Variants in EIF3K observed in about 807,000 individuals in gnomAD.
EIF3K encodes eukaryotic translation initiation factor 3 subunit K.
A neutral mutation model predicts 34.2 loss-of-function variants in EIF3K; 27 were observed. That is an observed-to-expected ratio of 0.79 (90% CI 0.58 to 1.09). The LOEUF (loss-of-function observed/expected upper bound fraction) is 1.09. Ranked by LOEUF, EIF3K falls within the 50% of genes least tolerant of loss-of-function variation. The pLI is 0.00. For missense variants in EIF3K, 232 were observed against 275.4 expected (o/e 0.84, Z 1.11); for synonymous variants, 105 against 105.7 (o/e 0.99, Z 0.04).
chr19:38,625,963 AG>A, intron 3 of EIF3K, 64 bp from the exon 4 acceptor site: 3 of 1,435,864 alleles, frequency 2.1e-6, no homozygotes, highest in South Asian at 2.3e-5. Context: ...GTAGGTGGGG[AG>A]GGGTGATCTG....
At chr19:38,632,353 C>A (rs541822493) in intron 4 of EIF3K, 77 bp from the exon 5 acceptor site, 3 of 1,404,730 alleles carry the variant, frequency 2.1e-6, no homozygotes, top group East Asian at 2.4e-5. Context: ...TAGTGAGACC[C>A]CATCTCTATA....
intron 6 of EIF3K, among the ~76,000 whole-genome samples, chr19:38,634,062 C>A (rs943031617): frequency 6.7e-6 from 1 of 148,960 alleles, no homozygotes; most frequent in Admixed American, 6.7e-5. Context: ...CAGGCGTGAG[C>A]CGCTGCATCC....
chr19:38,635,384 C>T (rs768419239), intron 7 of EIF3K: 7 of 526,326 alleles, frequency 1.3e-5, no homozygotes, highest in Middle Eastern at 4.9e-4. Flanking sequence ...CGGGGCCTCA[C>T]AGGGGGTCTC....
At chr19:38,622,054 C>T (rs1247757591) in intron 2 of EIF3K, among the ~76,000 whole-genome samples, 2 of 151,490 alleles carry the variant, frequency 1.3e-5, no homozygotes, top group African/African-American at 4.8e-5. Flanking sequence ...TACAGGCATG[C>T]ACCACCATGC....
At chr19:38,624,942 CTT>C (rs1975917693) in intron 3 of EIF3K, among the ~76,000 whole-genome samples, 1 of 152,112 alleles carries the variant, frequency 6.6e-6, no homozygotes, top group Admixed American at 6.6e-5. Flanking sequence ...ACTGTTCACT[CTT>C]CTGTATTTTT....
At chr19:38,631,743 A>C (rs956732649) in intron 4 of EIF3K, among the ~76,000 whole-genome samples, 9 of 152,110 alleles carry the variant, frequency 5.9e-5, no homozygotes, top group African/African-American at 2.2e-4. Context: ...ATTTCAGACT[A>C]TCACATGGGG....
chr19:38,629,095 A>C (rs767437058), intron 4 of EIF3K, among the ~76,000 whole-genome samples: 1 of 151,980 alleles, frequency 6.6e-6, no homozygotes, highest in Non-Finnish European at 1.5e-5. Context: ...TTTTTTATTC[A>C]AGTAAGAAAT....
chr19:38,632,799 C>A, intron 6 of EIF3K, 121 bp downstream of exon 6: 2 of 827,356 alleles, frequency 2.4e-6, no homozygotes, highest in Non-Finnish European at 3.7e-6. Flanking sequence ...GAAGGCCCAG[C>A]CCAAGGAGGA....
At chr19:38,631,447 G>T (rs1422044723) in intron 4 of EIF3K, among the ~76,000 whole-genome samples, 1 of 152,218 alleles carries the variant, frequency 6.6e-6, no homozygotes, top group African/African-American at 2.4e-5. Flanking sequence ...CTTTGCTTTT[G>T]ATGTGCATAC....
chr19:38,627,875 A>G (rs1975981107), intron 4 of EIF3K, among the ~76,000 whole-genome samples: 1 of 149,994 alleles, frequency 6.7e-6, no homozygotes, highest in South Asian at 2.1e-4. Flanking sequence ...TTCTCTGCAC[A>G]TTAGACCTCT....
At chr19:38,632,815 G>A in intron 6 of EIF3K, 137 bp downstream of exon 6, 1 of 730,642 alleles carries the variant, frequency 1.4e-6, no homozygotes, top group East Asian at 2.8e-5. Flanking sequence ...GAGGAAATAA[G>A]AACTTGGTAT....
intron 4 of EIF3K, 61 bp downstream of exon 4, chr19:38,626,163 A>C: frequency 6.7e-7 from 1 of 1,498,354 alleles, no homozygotes; most frequent in Non-Finnish European, 9.3e-7. Flanking sequence ...CTGAGTGCTA[A>C]AAGTAACAAC....
intron 3 of EIF3K, among the ~76,000 whole-genome samples, chr19:38,625,000 A>T (rs1019317468): frequency 6.6e-6 from 1 of 152,130 alleles, no homozygotes; most frequent in Non-Finnish European, 1.5e-5. Flanking sequence ...GGAACATCTA[A>T]AACATAACGA....
At chr19:38,625,499 GT>G (rs756374082) in intron 3 of EIF3K, among the ~76,000 whole-genome samples, 6 of 146,370 alleles carry the variant, frequency 4.1e-5, no homozygotes, top group Non-Finnish European at 8.9e-5. Context: ...TAATAGTAGG[GT>G]TTTTTTGTTA....
chr19:38,625,455 C>T (rs1258085604), intron 3 of EIF3K, among the ~76,000 whole-genome samples: 4 of 150,764 alleles, frequency 2.7e-5, no homozygotes, highest in East Asian at 3.9e-4. Context: ...TGTGAGCCAC[C>T]GTGCCCAGCC....
intron 2 of EIF3K, 49 bp downstream of exon 2, chr19:38,620,484 G>A: frequency 3.3e-6 from 5 of 1,537,244 alleles, no homozygotes; most frequent in Non-Finnish European, 4.5e-6. Flanking sequence ...AACTAGCAGG[G>A]TGCCACTCCC....
chr19:38,619,203 T>C lies in EIF3K; in HGVS notation c.-66T>C. On this transcript the variant is annotated 5_prime_UTR_variant, in exon 1 of 8. Coordinates refer to ENST00000248342, the MANE Select transcript of EIF3K (RefSeq NM_013234.4). ...TTTCCACCACCTCTTCCTGTTCCCG[T>C]CCTTGAGGACGCCGTGCCGGGTCAG... 4.4e-6 allele frequency: 7 copies of C among 1,579,680 alleles called. No individual in the cohort carries two copies. Among genetic ancestry groups the C allele is most frequent in the Non-Finnish European group, 6.1e-6 (7 of 1,152,928 alleles).
Position 38,632,193 on chromosome 19 carries a change from A to G in EIF3K, c.355-237A>G, listed in dbSNP as rs981183656. 1.0e-5 allele frequency: 5 copies of G among 495,146 alleles called. No homozygotes were observed. The Admixed American group carries it at 1.4e-4, about 14-fold the overall frequency. The allele number at this position is 495,146 out of a possible 1,614,324, so 30.7% of individuals were successfully genotyped here. Reference sequence around the variant, plus strand: ...CGCTTTGAGAGGCCAGCGTGGGCAGATCACTTGAGCCCAGGAGTTTGAGAT... The same window carrying G: ...CGCTTTGAGAGGCCAGCGTGGGCAGGTCACTTGAGCCCAGGAGTTTGAGAT... On this transcript the variant is annotated intron_variant, in intron 4 of 7. Coordinates refer to ENST00000248342, the MANE Select transcript of EIF3K (RefSeq NM_013234.4).
chr19:38,635,362 C>A, intron 7 of EIF3K: 1 of 554,846 alleles, frequency 1.8e-6, no homozygotes, highest in Non-Finnish European at 3.2e-6. Context: ...AGCAAGACTT[C>A]CTGGGGCCCA....
Sources: gnomAD v4.1 joint callset for allele counts (sites outside exome capture counted in the v4.1 genomes callset) on GRCh38, gnomAD v4.1.1 for gene constraint, MANE v1.5 for transcripts, NCBI Gene and HGNC (gene_info 2026-07-23, HGNC 2026-07-21) for gene names.